Variants in PLAC1 observed in about 807,000 individuals in gnomAD.
PLAC1 encodes the protein placenta-specific protein 1.
For missense variants in PLAC1, 136 were observed against 163.2 expected, an observed-to-expected ratio of 0.83 and a Z score of 0.91; for synonymous variants, 68 against 62.1, an observed-to-expected ratio of 1.09 and a Z score of -0.44.
chrX:134,588,167 G>C (rs1256395787), intron 2 of PLAC1, among the ~76,000 whole-genome samples: 3 of 111,004 alleles, frequency 2.7e-5, no homozygotes, highest in African/African-American at 9.8e-5. Flanking sequence ...ACTATGATTT[G>C]ATTAGCTTAC....
At chrX:134,742,025 C>G (rs73224760) in intron 1 of PLAC1, among the ~76,000 whole-genome samples, 1 of 111,760 alleles carries the variant, frequency 8.9e-6, no homozygotes, top group Non-Finnish European at 1.9e-5. Context: ...GTCACAGGTG[C>G]AGGGGCTGGG....
chrX:134,604,990 C>T lies in PLAC1; in HGVS notation c.-130-2868G>A, dbSNP rs370824419. Reference sequence around the variant, plus strand: ...GCATTTTCAGGCAGCACCCCCACCCCTGCACCCCCCATTGGTGCTTTGTCT... The same window carrying T: ...GCATTTTCAGGCAGCACCCCCACCCTTGCACCCCCCATTGGTGCTTTGTCT... On this transcript the variant is annotated intron_variant, in intron 1 of 2. Coordinates refer to ENST00000359237, the MANE Select transcript of PLAC1 (RefSeq NM_021796.4). 6.3e-5 allele frequency among the ~76,000 whole-genome samples: 7 copies of T among 111,432 alleles called. No individual in the cohort carries two copies. The East Asian group carries it at 1.4e-3, about 22-fold the overall frequency.
intron 2 of PLAC1, among the ~76,000 whole-genome samples, chrX:134,575,557 C>T (rs1181430172): frequency 2.7e-5 from 3 of 109,120 alleles, no homozygotes; most frequent in African/African-American, 1.0e-4. Context: ...ATCATGAGGT[C>T]AGGAGATTGA....
chrX:134,753,590 CA>C (rs1426377974), intron 1 of PLAC1, among the ~76,000 whole-genome samples: 3 of 110,094 alleles, frequency 2.7e-5, no homozygotes, highest in Non-Finnish European at 5.7e-5. Context: ...TTTAAACAAT[CA>C]GGGGCGGGAA....
chrX:134,583,739 C>A (rs2077986334), intron 2 of PLAC1, among the ~76,000 whole-genome samples: 1 of 110,769 alleles, frequency 9.0e-6, no homozygotes, highest in South Asian at 3.9e-4. Flanking sequence ...CTCCCTCCAC[C>A]CCCTGGTTAG....
chrX:134,667,847 G>C (rs1365221626), intron 2 of PLAC1, among the ~76,000 whole-genome samples: 2 of 109,289 alleles, frequency 1.8e-5, no homozygotes, highest in Non-Finnish European at 3.8e-5. Flanking sequence ...GGACTCTGGA[G>C]ACTAGGAGTT....
chrX:134,578,430 G>GA (rs2077954481), intron 2 of PLAC1, among the ~76,000 whole-genome samples: 1 of 20,330 alleles, frequency 4.9e-5, no homozygotes, highest in Non-Finnish European at 1.2e-4. Flanking sequence ...AAAAAAAAAA[G>GA]AAAAGAAAAA....
chrX:134,698,550 C>T (rs2078572495), intron 2 of PLAC1, among the ~76,000 whole-genome samples: 1 of 111,974 alleles, frequency 8.9e-6, no homozygotes, highest in African/African-American at 3.2e-5. Context: ...TGGTTCTATC[C>T]TATCTTGCTT....
chrX:134,713,195 G>C, intron 2 of PLAC1, among the ~76,000 whole-genome samples: 1 of 111,608 alleles, frequency 9.0e-6, no homozygotes. Context: ...TTGATGGATT[G>C]AATAAATGAA....
chrX:134,715,803 G>C (rs1428337125), intron 2 of PLAC1, among the ~76,000 whole-genome samples: 1 of 112,772 alleles, frequency 8.9e-6, no homozygotes, highest in Non-Finnish European at 1.9e-5. Flanking sequence ...GTTCCACTAA[G>C]AGGAAGAAGA....
At chrX:134,646,449 T>C (rs775298018) in intron 1 of PLAC1, among the ~76,000 whole-genome samples, 2 of 112,429 alleles carry the variant, frequency 1.8e-5, no homozygotes, top group Non-Finnish European at 3.8e-5. Flanking sequence ...AAAGACAGTA[T>C]TTTGCTGGTG....
At chrX:134,615,237 C>A (rs751783958) in intron 1 of PLAC1, among the ~76,000 whole-genome samples, 1 of 112,139 alleles carries the variant, frequency 8.9e-6, no homozygotes, top group Non-Finnish European at 1.9e-5. Flanking sequence ...TTTGCCAACA[C>A]TTGTTATCTT....
At chrX:134,706,926 C>T (rs1208416949) in intron 2 of PLAC1, among the ~76,000 whole-genome samples, 2 of 111,574 alleles carry the variant, frequency 1.8e-5, no homozygotes, top group African/African-American at 6.5e-5. Context: ...CTCAGGGATC[C>T]GTGGCACTAT....
intron 2 of PLAC1, among the ~76,000 whole-genome samples, chrX:134,590,766 C>T (rs1286718314): frequency 9.0e-6 from 1 of 110,639 alleles, no homozygotes; most frequent in Non-Finnish European, 1.9e-5. Flanking sequence ...CCAGGACGCC[C>T]AGCTAATTTT....
intron 2 of PLAC1, among the ~76,000 whole-genome samples, chrX:134,598,506 T>C: frequency 8.9e-6 from 1 of 112,392 alleles, no homozygotes; most frequent in East Asian, 2.8e-4. Flanking sequence ...AGACACTCAA[T>C]ACATGCTTGT....
chrX:134,611,518 C>CATACATATACAT, intron 1 of PLAC1, among the ~76,000 whole-genome samples: 1 of 102,370 alleles, frequency 9.8e-6, no homozygotes, highest in African/African-American at 3.5e-5. Context: ...CACACACACA[C>CATACATATACAT]ATACATATAC....
At chrX:134,571,992 CTTG>C (rs1411032489) in intron 2 of PLAC1, among the ~76,000 whole-genome samples, 2 of 111,810 alleles carry the variant, frequency 1.8e-5, no homozygotes, top group Non-Finnish European at 3.8e-5. Flanking sequence ...TTCCCAGAAA[CTTG>C]TTGTCAAAAC....
intron 1 of PLAC1, among the ~76,000 whole-genome samples, chrX:134,734,673 C>T (rs2078698219): frequency 1.8e-5 from 2 of 111,912 alleles, no homozygotes; most frequent in Admixed American, 1.9e-4. Flanking sequence ...GCGTTCCCTC[C>T]CCTCTCTCTT....
intron 2 of PLAC1, among the ~76,000 whole-genome samples, chrX:134,712,547 T>C (rs1410665714): frequency 9.0e-6 from 1 of 111,332 alleles, no homozygotes; most frequent in East Asian, 2.8e-4. Context: ...CAAGTATGAG[T>C]TGACAGTCAC....
Sources: gnomAD v4.1 joint callset for allele counts (sites outside exome capture counted in the v4.1 genomes callset) on GRCh38, gnomAD v4.1.1 for gene constraint, MANE v1.5 for transcripts, NCBI Gene and HGNC (gene_info 2026-07-23, HGNC 2026-07-21) for gene names.